The following SLC24A2 variants were observed in gnomAD, a reference collection of about 807,000 sequenced individuals.
SLC24A2 encodes the protein sodium/potassium/calcium exchanger 2.
A neutral mutation model predicts 62.0 loss-of-function variants in SLC24A2; 36 were observed. The ratio of observed to expected loss-of-function variants is 0.58; its 90% confidence interval spans 0.44 to 0.77. The LOEUF (loss-of-function observed/expected upper bound fraction) is 0.77. Ranked by LOEUF, SLC24A2 falls within the 30% of genes least tolerant of loss-of-function variation. The pLI is 0.00. For missense variants in SLC24A2, 846 were observed against 817.9 expected, an observed-to-expected ratio of 1.03 and a Z score of -0.42; for synonymous variants, 358 against 294.0, an observed-to-expected ratio of 1.22 and a Z score of -2.23.
At chr9:20,122,300 T>C in the SLC24A2 span, among the ~76,000 whole-genome samples, 2 of 152,222 alleles carry the variant, frequency 1.3e-5, no homozygotes, top group Non-Finnish European at 2.9e-5. Context: ...CCGATAGTTC[T>C]GCACACTTGC....
intron 2 of SLC24A2, among the ~76,000 whole-genome samples, chr9:19,757,251 G>A (rs777700788): frequency 2.0e-5 from 3 of 151,944 alleles, no homozygotes; most frequent in Non-Finnish European, 2.9e-5. Context: ...GGGGATTGTT[G>A]TGTATTTAAC....
At chr9:19,978,980 T>G in the SLC24A2 span, among the ~76,000 whole-genome samples, 1 of 152,198 alleles carries the variant, frequency 6.6e-6, no homozygotes, top group Admixed American at 6.5e-5. Flanking sequence ...GGTTCAGACA[T>G]GCTCGATGTG....
At chr9:19,560,912 TATATAGAGAGAG>T (rs376888391) in intron 7 of SLC24A2, among the ~76,000 whole-genome samples, 138 of 50,146 alleles carry the variant, frequency 2.8e-3, no homozygotes, top group African/African-American at 9.4e-3. Flanking sequence ...TATATATATA[TATATAGAGAGAG>T]AGAGAGAGAG....
At chr9:19,567,127 A>T (rs183891297) in intron 7 of SLC24A2, among the ~76,000 whole-genome samples, 21 of 151,000 alleles carry the variant, frequency 1.4e-4, no homozygotes, top group Non-Finnish European at 3.0e-5. Context: ...TATATATATA[A>T]AAGAACTTAA....
At chr9:19,723,918 A>C (rs1464836417) in intron 2 of SLC24A2, among the ~76,000 whole-genome samples, 2 of 151,962 alleles carry the variant, frequency 1.3e-5, no homozygotes. Context: ...GTCTCTGTTG[A>C]TGTGAGCATT....
the SLC24A2 span, among the ~76,000 whole-genome samples, chr9:20,223,355 G>T: frequency 6.6e-6 from 1 of 151,954 alleles, no homozygotes; most frequent in Non-Finnish European, 1.5e-5. Context: ...AATAAAAGCC[G>T]GGCTCACACC....
At chr9:19,836,089 A>G in the SLC24A2 span, among the ~76,000 whole-genome samples, 15 of 152,310 alleles carry the variant, frequency 9.8e-5, no homozygotes, top group South Asian at 3.1e-3. Flanking sequence ...GTGTAGAGGG[A>G]AATTTATAGC....
At chr9:19,926,008 T>C in the SLC24A2 span, 2 of 152,202 alleles carry the variant, frequency 1.3e-5, no homozygotes, top group Non-Finnish European at 2.9e-5. Flanking sequence ...AAACAAGCCC[T>C]TCCACAGAAA....
chr9:19,818,025 G>C, the SLC24A2 span, among the ~76,000 whole-genome samples: 1 of 152,116 alleles, frequency 6.6e-6, no homozygotes, highest in Non-Finnish European at 1.5e-5. Context: ...TGGCTTTACA[G>C]GCATGAGCCA....
At chr9:19,837,994 C>G in the SLC24A2 span, among the ~76,000 whole-genome samples, 1 of 151,324 alleles carries the variant, frequency 6.6e-6, no homozygotes, top group African/African-American at 2.4e-5. Context: ...CCATACTGCC[C>G]AAGGTAATTT....
chr9:19,525,773 T>G (rs965836957), intron 9 of SLC24A2, among the ~76,000 whole-genome samples: 27 of 149,798 alleles, frequency 1.8e-4, no homozygotes, highest in South Asian at 6.3e-4. Flanking sequence ...CTGTTTTTTT[T>G]TTTTTTTTTT....
the SLC24A2 span, among the ~76,000 whole-genome samples, chr9:20,090,417 G>C: frequency 3.3e-5 from 5 of 152,178 alleles, no homozygotes; most frequent in African/African-American, 1.2e-4. Flanking sequence ...CAGCACTCAA[G>C]TGGGAGAGGA....
chr9:20,129,844 G>A, the SLC24A2 span, among the ~76,000 whole-genome samples: 3 of 151,170 alleles, frequency 2.0e-5, no homozygotes, highest in Non-Finnish European at 4.4e-5. Context: ...AAATGTTCAG[G>A]AACTATGTAA....
At chr9:19,612,740 G>T (rs928297738) in intron 4 of SLC24A2, among the ~76,000 whole-genome samples, 3 of 151,004 alleles carry the variant, frequency 2.0e-5, no homozygotes, top group Non-Finnish European at 4.4e-5. Flanking sequence ...AGCTGGGTAT[G>T]GTGTCTTGTA....
the SLC24A2 span, among the ~76,000 whole-genome samples, chr9:20,214,449 A>G: frequency 6.6e-6 from 1 of 151,936 alleles, no homozygotes; most frequent in African/African-American, 2.4e-5. Flanking sequence ...CATCTCTGCT[A>G]AACAATACAA....
the SLC24A2 span, among the ~76,000 whole-genome samples, chr9:19,799,625 C>T: frequency 6.6e-6 from 1 of 152,188 alleles, no homozygotes; most frequent in Non-Finnish European, 1.5e-5. Context: ...CAGATCTTGC[C>T]TTAACTTTTA....
chr9:20,046,721 T>G, the SLC24A2 span, among the ~76,000 whole-genome samples: 1 of 152,208 alleles, frequency 6.6e-6, no homozygotes, highest in Non-Finnish European at 1.5e-5. Flanking sequence ...TACTCTGTGG[T>G]GGGACACTGC....
chr9:20,253,636 G>A, the SLC24A2 span, among the ~76,000 whole-genome samples: 3 of 152,166 alleles, frequency 2.0e-5, no homozygotes, highest in African/African-American at 2.4e-5. Context: ...GGGGAAGTGG[G>A]GCCCAGGCAT....
chr9:19,872,130 C>A, the SLC24A2 span, among the ~76,000 whole-genome samples: 1 of 151,948 alleles, frequency 6.6e-6, no homozygotes, highest in Non-Finnish European at 1.5e-5. Context: ...ATGGTATGGT[C>A]AAAAAGGATG....
Sources: gnomAD v4.1 joint callset for allele counts (sites outside exome capture counted in the v4.1 genomes callset) on GRCh38, gnomAD v4.1.1 for gene constraint, MANE v1.5 for transcripts, NCBI Gene and HGNC (gene_info 2026-07-23, HGNC 2026-07-21) for gene names.